Variants in RYR3 observed in about 807,000 individuals in gnomAD.
RYR3 encodes brain ryanodine receptor-calcium release channel.
In RYR3, 207 loss-of-function variants were observed where a neutral mutation model predicts 584.3. The ratio of observed to expected loss-of-function variants is 0.35; its 90% CI spans 0.32 to 0.40. The LOEUF is 0.40. Ranked by LOEUF, RYR3 falls within the 10% of genes least tolerant of loss-of-function variation. The pLI, the probability that RYR3 is intolerant of heterozygous loss-of-function variation, is 1.00. For synonymous variants in RYR3, 2,416 were observed against 2,248.5 expected, an observed-to-expected ratio of 1.07 and a Z score of -2.11; for missense variants, 5,616 against 6,089.2, an observed-to-expected ratio of 0.92 and a Z score of 2.59.
chr15:33,583,179 A>T (rs59973075), intron 14 of RYR3, among the ~76,000 whole-genome samples: 1,772 of 152,174 alleles, frequency 0.012, 36 homozygotes, highest in African/African-American at 0.041. Context: ...TGAGAATTTG[A>T]GTTTTTAACA....
intron 18 of RYR3, among the ~76,000 whole-genome samples, chr15:33,611,126 A>T (rs1303809262): frequency 2.0e-5 from 3 of 152,314 alleles, no homozygotes; most frequent in African/African-American, 4.8e-5. Flanking sequence ...GGATTTTTTT[A>T]AATTACCTTT....
chr15:33,780,614 G>T (rs937455792), intron 65 of RYR3, among the ~76,000 whole-genome samples: 3 of 152,194 alleles, frequency 2.0e-5, no homozygotes, highest in African/African-American at 7.2e-5. Context: ...AGACCTCAGG[G>T]TCTCTTGTCT....
intron 60 of RYR3, among the ~76,000 whole-genome samples, chr15:33,763,951 A>C (rs1192961235): frequency 6.7e-6 from 1 of 148,316 alleles, no homozygotes; most frequent in Non-Finnish European, 1.5e-5. Context: ...GAGGATGTGG[A>C]GAAATAGGAA....
intron 1 of RYR3, among the ~76,000 whole-genome samples, chr15:33,345,109 T>A (rs956198276): frequency 6.6e-6 from 1 of 152,162 alleles, no homozygotes; most frequent in African/African-American, 2.4e-5. Flanking sequence ...TTTTCTTTTT[T>A]TTGCAAGTTC....
At chr15:33,456,527 G>C (rs947653375) in intron 1 of RYR3, among the ~76,000 whole-genome samples, 9 of 152,162 alleles carry the variant, frequency 5.9e-5, no homozygotes, top group Non-Finnish European at 1.0e-4. Context: ...TTGAACTTCT[G>C]TCTTGAATTC....
chr15:33,787,859 C>T (rs1358514380), intron 66 of RYR3, among the ~76,000 whole-genome samples: 1 of 152,206 alleles, frequency 6.6e-6, no homozygotes, highest in Non-Finnish European at 1.5e-5. Context: ...TTACAATCTG[C>T]TAGTGAGCCG....
chr15:33,562,880 A>G lies in RYR3; in HGVS notation c.1016A>G (p.Glu339Gly). The G allele has an allele frequency of 8.1e-6, 13 of 1,613,456 alleles. No homozygotes were observed. The highest frequency in any genetic ancestry group is 1.1e-5 in the Non-Finnish European group (13 of 1,179,462). ...KLDSSHKRDIEGMGVPEIKYG... is the reference protein window; with the variant it reads ...KLDSSHKRDIGGMGVPEIKYG... ...GACTCCAGTCACAAGCGAGACATAG[A>G]AGGCATGGGAGTTCCAGAAATCAAG... The change falls in exon 11 of 104, where the codon GAA becomes GGA. Residue 339 changes from glutamate (E) to glycine (G), a missense_variant. Coordinates refer to ENST00000634891, the MANE Select transcript of RYR3 (RefSeq NM_001036.6).
Position 33,853,628 on chromosome 15 carries a change from T to C in RYR3, c.13745T>C (p.Leu4582Pro). The C allele has an allele frequency of 2.5e-6, 4 of 1,614,034 alleles. No homozygotes were observed. Among genetic ancestry groups the C allele is most frequent in the Non-Finnish European group, 2.5e-6 (3 of 1,179,890 alleles). ...AELLGLDKNA[L>P]DFSPVEETKA... ...CTTCTGGGTTTGGACAAAAATGCTC[T>C]TGACTTTAGCCCAGTAGAAGAGACC... is the stretch of plus-strand genomic sequence containing the variant. The change falls in exon 96 of 104, where the codon CTT becomes CCT. Residue 4582 changes from leucine (L) to proline (P), a missense_variant. Transcript: ENST00000634891.
At chr15:33,743,671 A>G (rs1411104810) in intron 52 of RYR3, among the ~76,000 whole-genome samples, 2 of 152,126 alleles carry the variant, frequency 1.3e-5, no homozygotes, top group African/African-American at 2.4e-5. Flanking sequence ...AACCATGTGG[A>G]TTTGAACTCC....
chr15:33,703,746 C>T (rs2066471538), intron 42 of RYR3, among the ~76,000 whole-genome samples: 1 of 152,114 alleles, frequency 6.6e-6, no homozygotes, highest in Admixed American at 6.5e-5. Flanking sequence ...AAATATCAGA[C>T]ATTTTTACAA....
intron 3 of RYR3, among the ~76,000 whole-genome samples, chr15:33,506,241 C>T (rs1334385607): frequency 1.3e-5 from 2 of 152,076 alleles, no homozygotes; most frequent in African/African-American, 4.8e-5. Context: ...ATGAATAAGA[C>T]CTACCTTAAT....
At chr15:33,651,057 A>G (rs2062434988) in intron 31 of RYR3, among the ~76,000 whole-genome samples, 1 of 152,224 alleles carries the variant, frequency 6.6e-6, no homozygotes, top group Non-Finnish European at 1.5e-5. Context: ...ACCATACAAG[A>G]TTGATTACTT....
intron 70 of RYR3, among the ~76,000 whole-genome samples, chr15:33,809,442 G>T (rs139002405): frequency 0.021 from 3,202 of 152,182 alleles, 233 homozygotes; most frequent in Admixed American, 0.15. Flanking sequence ...CACGTGAGCA[G>T]CTCTGTGTCT....
At chr15:33,387,315 G>A (rs1389779799) in intron 1 of RYR3, among the ~76,000 whole-genome samples, 2 of 152,168 alleles carry the variant, frequency 1.3e-5, no homozygotes, top group Non-Finnish European at 2.9e-5. Flanking sequence ...TTTCTTAAGA[G>A]ACTCTGCTTT....
Position 33,807,462 on chromosome 15 carries a change from G to A in RYR3, c.10012-93G>A, listed in dbSNP as rs543534663. 3.2e-6 allele frequency: 4 copies of A among 1,233,698 alleles called. No individual in the cohort carries two copies. In the South Asian group the frequency reaches 3.9e-5, roughly 12 times the overall value. 76.4% of individuals were successfully genotyped at this position (1,233,698 alleles called of 1,614,324 possible). A position where few individuals can be genotyped will look rare whatever the true frequency, so the allele number is the denominator to read the frequency against. ...TTGGCTGAGAAATGGGGGCTAAGAA[G>A]CTATAACTAACATATGGTGCCTTTT... On this transcript the variant is annotated intron_variant, in intron 69 of 103. Coordinates refer to ENST00000634891, the MANE Select transcript of RYR3 (RefSeq NM_001036.6).
intron 1 of RYR3, among the ~76,000 whole-genome samples, chr15:33,426,802 C>G (rs1343541942): frequency 6.6e-6 from 1 of 152,124 alleles, no homozygotes; most frequent in Non-Finnish European, 1.5e-5. Context: ...TCTCTCAGTT[C>G]TGGAGTCTGG....
At chr15:33,615,678 TG>T (rs1357405469) in intron 19 of RYR3, among the ~76,000 whole-genome samples, 1 of 152,206 alleles carries the variant, frequency 6.6e-6, no homozygotes, top group African/African-American at 2.4e-5. Flanking sequence ...TTCTAAGAGT[TG>T]AAAGTTCTTC....
Position 33,772,085 on chromosome 15 carries a change from A to T in RYR3, c.8982A>T (p.Thr2994=), listed in dbSNP as rs752821830. The T allele has an allele frequency of 1.2e-6, 2 of 1,613,830 alleles. No homozygotes were observed. Among genetic ancestry groups the T allele is most frequent in the Non-Finnish European group, 1.7e-6 (2 of 1,179,826 alleles). Residue 2994 remains threonine, a synonymous_variant, in exon 63 of 104, where the codon ACA becomes ACT. Transcript: ENST00000634891. ...KGVSQNINYT[T]VALLPILTSI... Reference sequence around the variant, plus strand: ...TTTCTCAGAATATTAACTACACTACAGTGGCTCTGCTCCCCATCCTGACGT... The same window carrying T: ...TTTCTCAGAATATTAACTACACTACTGTGGCTCTGCTCCCCATCCTGACGT...
chr15:33,381,169 A>C (rs2041162197), intron 1 of RYR3, among the ~76,000 whole-genome samples: 1 of 152,136 alleles, frequency 6.6e-6, no homozygotes, highest in Non-Finnish European at 1.5e-5. Context: ...GTTTGCTATC[A>C]TCTGGTTCCG....
Sources: gnomAD v4.1 joint callset for allele counts (sites outside exome capture counted in the v4.1 genomes callset) on GRCh38, gnomAD v4.1.1 for gene constraint, MANE v1.5 for transcripts, NCBI Gene and HGNC (gene_info 2026-07-23, HGNC 2026-07-21) for gene names.